The following ROPN1L variants were observed in gnomAD, a reference collection of about 807,000 sequenced individuals.
ROPN1L encodes the protein ropporin-1-like protein.
Under a neutral mutation model 22.7 loss-of-function variants are expected in ROPN1L, and 23 were observed. The observed-to-expected ratio is 1.01, with a 90% CI of 0.73 to 1.43. The LOEUF (loss-of-function observed/expected upper bound fraction) is 1.43, where lower values mean the gene tolerates loss of function less well. ROPN1L is among the 40% of genes most tolerant of loss of function. ROPN1L has a pLI of 0.00. For synonymous variants in ROPN1L, 116 were observed against 117.8 expected (o/e 0.98, Z 0.10); for missense variants, 271 against 291.5 (o/e 0.93, Z 0.51).
At chr5:10,467,402 C>T (rs529142310), downstream of ROPN1L, among the ~76,000 whole-genome samples, 4 of 152,184 alleles carry the variant, frequency 2.6e-5, no homozygotes, top group South Asian at 2.1e-4. Context: ...AGGTTAAGGA[C>T]GTGCCTGGAA....
In ROPN1L at chr5:10,471,384, G is replaced by C. The variant is rs981756019; in HGVS notation, n.886-426G>C. On this transcript the variant is annotated intron_variant and non_coding_transcript_variant, in intron 4 of 4. Transcript: ENST00000510520. ...GCTGGTCACAAACTCCTGACCTCAA[G>C]TGATCCGCCTGCCTTGGCCTCCCAA... is the stretch of plus-strand genomic sequence containing the variant. 2.0e-5 allele frequency among the ~76,000 whole-genome samples: 3 copies of C among 152,186 alleles called. No individual in the cohort carries two copies. In the South Asian group the frequency reaches 6.2e-4, roughly 32 times the overall value.
intron 1 of ROPN1L, among the ~76,000 whole-genome samples, chr5:10,445,558 G>C (rs533457028): frequency 1.3e-5 from 2 of 152,244 alleles, no homozygotes; most frequent in Admixed American, 6.5e-5. Context: ...GAAGAAGGGG[G>C]TGGAGACAGG....
intron 4 of ROPN1L, among the ~76,000 whole-genome samples, chr5:10,462,970 T>C (rs912190995): frequency 3.3e-5 from 5 of 152,198 alleles, no homozygotes; most frequent in African/African-American, 7.2e-5. Context: ...CAATGAAACG[T>C]AGACATGGAT....
downstream of ROPN1L, among the ~76,000 whole-genome samples, chr5:10,468,096 C>T (rs1320455670): frequency 3.3e-5 from 5 of 152,246 alleles, no homozygotes; most frequent in Non-Finnish European, 5.9e-5. Flanking sequence ...TGGGGGTCTT[C>T]GTCTGGTTCC....
chr5:10,457,493 G>T (rs1002710716), intron 3 of ROPN1L, among the ~76,000 whole-genome samples: 21 of 152,234 alleles, frequency 1.4e-4, no homozygotes, highest in African/African-American at 4.3e-4. Flanking sequence ...CTGTGCTCCA[G>T]TCCTGGCTGG....
Position 10,457,133 on chromosome 5 carries a change from G to A in ROPN1L, c.418-4051G>A, listed in dbSNP as rs560173178. ...GCCACGTGTGCAGTGGTCCTGGAGC[G>A]GTGCCTGCAGCTCCACGGAGCAGGT... On this transcript the variant is annotated intron_variant, in intron 3 of 4. Coordinates refer to ENST00000274134, the MANE Select transcript of ROPN1L (RefSeq NM_031916.5). Among the ~76,000 whole-genome samples the A allele has an allele frequency of 8.5e-5, 13 of 152,292 alleles. No homozygotes were observed. In the South Asian group the frequency reaches 2.7e-3, roughly 32 times the overall value.
At chr5:10,461,740 C>G (rs892580372) in intron 4 of ROPN1L, among the ~76,000 whole-genome samples, 1 of 152,198 alleles carries the variant, frequency 6.6e-6, no homozygotes, top group African/African-American at 2.4e-5. Flanking sequence ...TTCCCACAAC[C>G]CCTCCTTGGG....
chr5:10,453,920 T>C (rs1023103837), intron 3 of ROPN1L, among the ~76,000 whole-genome samples: 2 of 152,212 alleles, frequency 1.3e-5, no homozygotes, highest in Admixed American at 6.5e-5. Flanking sequence ...GCTGATGTTC[T>C]GTTATATCCT....
Position 10,464,893 on chromosome 5 carries a change from T to C in ROPN1L, c.639T>C (p.Phe213=). 6.2e-7 allele frequency: 1 copy of C among 1,608,680 alleles called. No homozygotes were observed. The highest frequency in any genetic ancestry group is 8.5e-7 in the Non-Finnish European group (1 of 1,178,090). Reference sequence around the variant, plus strand: ...TGATAGGTCTTTCAGATTTCTTCTTTCCAAAGAGGAAACTTTTAGAAAGCA... The same window carrying C: ...TGATAGGTCTTTCAGATTTCTTCTTCCCAAAGAGGAAACTTTTAGAAAGCA... ...NGMIGLSDFF[F]PKRKLLESIE... Residue 213 remains phenylalanine, a synonymous_variant, in exon 5 of 5, where the codon TTT becomes TTC. Coordinates refer to ENST00000274134, the MANE Select transcript of ROPN1L (RefSeq NM_031916.5).
chr5:10,459,889 C>T (rs1734982586), intron 3 of ROPN1L, among the ~76,000 whole-genome samples: 1 of 152,194 alleles, frequency 6.6e-6, no homozygotes, highest in Non-Finnish European at 1.5e-5. Flanking sequence ...TGGTGTGTAA[C>T]AGGCACTTGG....
At chr5:10,462,216 C>G (rs1735045646) in intron 4 of ROPN1L, among the ~76,000 whole-genome samples, 1 of 152,246 alleles carries the variant, frequency 6.6e-6, no homozygotes, top group Non-Finnish European at 1.5e-5. Flanking sequence ...AAAGAAAGAA[C>G]TCACTTTGGA....
intron 4 of ROPN1L, chr5:10,461,602 T>C (rs1735031937): frequency 2.5e-6 from 1 of 406,458 alleles, no homozygotes; most frequent in African/African-American, 2.1e-5. Flanking sequence ...TACCTGGAGA[T>C]AGCCTGAGAT....
At chr5:10,477,326 T>C in the ROPN1L span, among the ~76,000 whole-genome samples, 1 of 152,232 alleles carries the variant, frequency 6.6e-6, no homozygotes. Context: ...GCGCTCCATG[T>C]CCTGGTCCAC....
intron 1 of ROPN1L, among the ~76,000 whole-genome samples, chr5:10,443,628 CAA>C (rs367600820): frequency 1.7e-5 from 2 of 115,446 alleles, no homozygotes; most frequent in Non-Finnish European, 1.9e-5. Context: ...GACTCCGTCT[CAA>C]AAAAAAAAAA....
At chr5:10,477,883 T>A in the ROPN1L span, among the ~76,000 whole-genome samples, 5 of 152,066 alleles carry the variant, frequency 3.3e-5, no homozygotes, top group Non-Finnish European at 7.4e-5. Flanking sequence ...TGAGCAAAGA[T>A]CACACTACTG....
At chr5:10,466,008 A>G (rs541882519), downstream of ROPN1L, among the ~76,000 whole-genome samples, 1 of 152,280 alleles carries the variant, frequency 6.6e-6, no homozygotes, top group South Asian at 2.1e-4. Flanking sequence ...TGCCTGGCCT[A>G]GCGTCCGTGG....
intron 1 of ROPN1L, among the ~76,000 whole-genome samples, chr5:10,442,770 C>T (rs888489589): frequency 6.6e-6 from 1 of 152,206 alleles, no homozygotes. Context: ...CCGGAACGAC[C>T]GTGGTCATAC....
chr5:10,451,751 C>T (rs1171923779), intron 3 of ROPN1L, among the ~76,000 whole-genome samples: 3 of 152,166 alleles, frequency 2.0e-5, no homozygotes, highest in East Asian at 1.9e-4. Flanking sequence ...TCCTGTCAGC[C>T]CCGGGCTAAT....
chr5:10,472,978 G>A (rs1235294647), downstream of ROPN1L, among the ~76,000 whole-genome samples: 1 of 152,144 alleles, frequency 6.6e-6, no homozygotes, highest in Non-Finnish European at 1.5e-5. Context: ...GAGTGCCAGG[G>A]TTCCCAGGGG....
Sources: allele counts gnomAD v4.1 joint callset (sites outside exome capture counted in the v4.1 genomes callset), GRCh38; gene constraint gnomAD v4.1.1; transcripts MANE v1.5; gene names NCBI Gene and HGNC (gene_info 2026-07-23, HGNC 2026-07-21).